Variants in MAPT observed in about 807,000 individuals in gnomAD.
The protein encoded by MAPT is microtubule associated protein tau.
Under a neutral mutation model 67.9 loss-of-function variants are expected in MAPT, and 34 were observed. That is an observed-to-expected ratio of 0.50 (90% confidence interval 0.38 to 0.67). MAPT has a LOEUF of 0.67. Among genes scored for constraint, MAPT ranks in the 30% least tolerant of loss-of-function variants. MAPT has a pLI of 0.00. For missense variants in MAPT, 881 were observed against 1,115.2 expected (o/e 0.79, Z 2.99); for synonymous variants, 456 against 464.5 (o/e 0.98, Z 0.23).
intron 9 of MAPT, among the ~76,000 whole-genome samples, chr17:46,007,357 C>T (rs1180364551): frequency 1.3e-5 from 2 of 151,930 alleles, no homozygotes; most frequent in Non-Finnish European, 1.5e-5. Flanking sequence ...CGTGGTAGCA[C>T]ATACCGGTAG....
intron 1 of MAPT, among the ~76,000 whole-genome samples, chr17:45,948,191 A>C (rs553021991): frequency 6.6e-6 from 1 of 152,180 alleles, no homozygotes; most frequent in East Asian, 1.9e-4. Flanking sequence ...CTTTTGGTAG[A>C]GACAGGGTTT....
At chr17:45,978,606 C>T in intron 4 of MAPT, 166 bp downstream of exon 4, 1 of 603,088 alleles carries the variant, frequency 1.7e-6, no homozygotes, top group South Asian at 2.1e-5. Flanking sequence ...ATAGAAAGAG[C>T]CCTAGTGGTT....
intron 2 of MAPT, among the ~76,000 whole-genome samples, chr17:45,970,766 C>T (rs1416085536): frequency 2.0e-5 from 3 of 152,210 alleles, no homozygotes; most frequent in Admixed American, 2.0e-4. Flanking sequence ...CCCCTTGGTC[C>T]CATGCTCTCT....
intron 1 of MAPT, among the ~76,000 whole-genome samples, chr17:45,904,308 T>C: frequency 2.4e-5 from 1 of 41,518 alleles, no homozygotes; most frequent in Admixed American, 4.2e-4. Flanking sequence ...ATAATATATA[T>C]AAAAACATAT....
At chr17:45,966,990 C>A (rs1409121483) in intron 2 of MAPT, among the ~76,000 whole-genome samples, 1 of 152,178 alleles carries the variant, frequency 6.6e-6, no homozygotes, top group Non-Finnish European at 1.5e-5. Flanking sequence ...TTACAAGGAG[C>A]TGTTTTGATG....
chr17:45,930,909 G>A (rs1360124372), intron 1 of MAPT, among the ~76,000 whole-genome samples: 2 of 152,198 alleles, frequency 1.3e-5, no homozygotes, highest in Non-Finnish European at 2.9e-5. Context: ...CCGGGGCTGA[G>A]TGGGGGCCAG....
In MAPT at chr17:45,996,462, G is replaced by T. The variant is rs1294621609; in HGVS notation, c.1796G>T (p.Gly599Val). 1 of 1,612,262 alleles carries T rather than the reference G, an allele frequency of 6.2e-7. No individual in the cohort carries two copies. The highest frequency in any genetic ancestry group is 8.5e-7 in the Non-Finnish European group (1 of 1,179,822). ...YSSPGSPGTPGSRSRTPSLPT... is the reference protein window; with the variant it reads ...YSSPGSPGTPVSRSRTPSLPT... ...AGCCCCGGCTCCCCAGGCACTCCCG[G>T]CAGCCGCTCCCGCACCCCGTCCCTT... is the stretch of plus-strand genomic sequence containing the variant. Residue 599 changes from glycine to valine, a missense_variant, in exon 9 of 13, where the codon GGC (glycine) becomes GTC (valine). Physicochemically the swap from Gly to Val is moderately radical, Grantham distance 109. Transcript: ENST00000262410. This position sits in a 1 kb window ranked among gnomAD's most constrained non-coding sequence, Gnocchi z 4.5.
intron 1 of MAPT, among the ~76,000 whole-genome samples, chr17:45,905,767 C>T (rs1388842887): frequency 2.0e-5 from 3 of 152,192 alleles, no homozygotes; most frequent in African/African-American, 7.2e-5. Flanking sequence ...ATACTGTCTT[C>T]CCCCTCAGAA....
intron 1 of MAPT, among the ~76,000 whole-genome samples, chr17:45,903,758 T>G (rs560474384): frequency 1.0e-5 from 1 of 99,740 alleles, no homozygotes; most frequent in African/African-American, 3.6e-5. Flanking sequence ...TATATATATT[T>G]TTTTTATATA....
At chr17:46,018,319 A>G (rs1260032357) in intron 11 of MAPT, among the ~76,000 whole-genome samples, 1 of 152,200 alleles carries the variant, frequency 6.6e-6, no homozygotes, top group Admixed American at 6.5e-5. Flanking sequence ...ACTATTTTCA[A>G]GAGCTTTGCA....
At chr17:45,925,847 C>T (rs2144554072) in intron 1 of MAPT, among the ~76,000 whole-genome samples, 1 of 152,140 alleles carries the variant, frequency 6.6e-6, no homozygotes, top group South Asian at 2.1e-4. Context: ...TCATATTTTC[C>T]TGTATTTGAT....
chr17:45,907,656 G>T lies in MAPT; in HGVS notation c.-18+12970G>T, dbSNP rs901757651. ...TCAGTTCCAGTACTCTATATACATG[G>T]AAATAATAAAAAACACATTTCCTTT... On this transcript the variant is annotated intron_variant, in intron 1 of 12. Transcript: ENST00000262410. The T allele has an allele frequency of 2.0e-5, 3 of 152,276 alleles. No homozygotes were observed. In the East Asian group the frequency reaches 5.8e-4, roughly 29 times the overall value. 9.4% of individuals were successfully genotyped at this position (152,276 alleles called of 1,614,324 possible).
intron 3 of MAPT, chr17:45,973,372 C>T (rs546183595): frequency 3.3e-5 from 5 of 152,204 alleles, no homozygotes; most frequent in Admixed American, 6.5e-5. Flanking sequence ...GTCTACAAAA[C>T]GATGCCAGAC....
At position 45,971,362 on chromosome 17, in the gene MAPT, C is replaced by A. The variant is rs533919077; in HGVS notation, c.134-497C>A. Among the ~76,000 whole-genome samples the A allele has an allele frequency of 1.2e-3, 176 of 152,264 alleles. 5 individuals carry two copies. The South Asian group carries it at 0.036, about 31-fold the overall frequency. On this transcript the variant is annotated intron_variant, in intron 2 of 12. Transcript: ENST00000262410. The surrounding 1 kb of genome is among the most constrained non-coding windows in gnomAD (Gnocchi z 4.3). ...TCTTTCTATGAAAGGAGCTTGGTGG[C>A]GTCCAAACACCACCCAATGTCCACT...
chr17:45,922,250 A>T (rs987206520), intron 1 of MAPT, among the ~76,000 whole-genome samples: 3 of 151,754 alleles, frequency 2.0e-5, no homozygotes, highest in African/African-American at 7.3e-5. Context: ...GCCAGCCATA[A>T]CTCTGTGACT....
intron 4 of MAPT, among the ~76,000 whole-genome samples, chr17:45,981,451 C>T (rs1387151840): frequency 6.6e-6 from 1 of 152,168 alleles, no homozygotes; most frequent in Non-Finnish European, 1.5e-5. Flanking sequence ...TGGTGTGCAG[C>T]AAGCTGTGTG....
rs562404132 is a variant in MAPT at position 45,901,285 on chromosome 17, G to A, written c.-18+6599G>A. On this transcript the variant is annotated intron_variant, in intron 1 of 12. Coordinates refer to ENST00000262410, the MANE Select transcript of MAPT (RefSeq NM_001377265.1). The stretch of plus-strand genomic sequence containing the variant: ...GACCTGCCTTCCCGCCAGCCATCCC[G>A]GGCAGGGTGACCTGGCTTAGTACAT... Among the ~76,000 whole-genome samples, 13 of 152,264 alleles carry A rather than the reference G, an allele frequency of 8.5e-5. No homozygotes were observed. In the East Asian group the frequency reaches 2.5e-3, roughly 29 times the overall value.
intron 1 of MAPT, among the ~76,000 whole-genome samples, chr17:45,951,374 A>G (rs1375979551): frequency 1.3e-5 from 2 of 152,240 alleles, no homozygotes; most frequent in Non-Finnish European, 2.9e-5. Context: ...AAGTCAATCA[A>G]AAACAGTTGT....
chr17:45,946,733 T>A, intron 1 of MAPT, among the ~76,000 whole-genome samples: 1 of 150,302 alleles, frequency 6.7e-6, no homozygotes, highest in Non-Finnish European at 1.5e-5. Context: ...GCTATTCCAG[T>A]AGTTACAATG....
Sources: allele counts gnomAD v4.1 joint callset (sites outside exome capture counted in the v4.1 genomes callset), GRCh38; gene constraint gnomAD v4.1.1; non-coding constraint Gnocchi (gnomAD v3.1); transcripts MANE v1.5; gene names NCBI Gene and HGNC (gene_info 2026-07-23, HGNC 2026-07-21).